TMC1: variants seen among roughly 807,000 people sequenced by gnomAD.
TMC1 encodes transmembrane channel like 1.
TMC1 carries 84 observed loss-of-function variants against 105.8 expected under a neutral mutation model. That is an observed-to-expected ratio of 0.79 (90% CI 0.67 to 0.95). The LOEUF (loss-of-function observed/expected upper bound fraction) is 0.95, where lower values mean the gene tolerates loss of function less well. TMC1 is among the 40% of genes least tolerant of loss of function. The pLI is 0.00. For synonymous variants in TMC1, 315 were observed against 311.5 expected, an observed-to-expected ratio of 1.01 and a Z score of -0.12; for missense variants, 817 against 914.1, an observed-to-expected ratio of 0.89 and a Z score of 1.37.
rs34028814 is a variant in TMC1 at position 72,672,823 on chromosome 9, A to AACACACAC, written c.17-15853_17-15846dup. On this transcript the variant is annotated intron_variant, in intron 5 of 23. Coordinates refer to ENST00000297784, the MANE Select transcript of TMC1 (RefSeq NM_138691.3). ...TCAGGAATTCGAGACAAGCCTGGGC[A>AACACACAC]ACACACACACACACACACACACACA... Among the ~76,000 whole-genome samples, 269 of 139,914 alleles carry AACACACAC rather than the reference A, an allele frequency of 1.9e-3. 2 individuals carry two copies. Among genetic ancestry groups the AACACACAC allele is most frequent in the Middle Eastern group, 7.0e-3 (2 of 286 alleles). 91.8% of individuals were successfully genotyped at this position (139,914 alleles called of 152,430 possible).
chr9:72,602,034 A>T (rs1824824753), intron 2 of TMC1, among the ~76,000 whole-genome samples: 1 of 152,202 alleles, frequency 6.6e-6, no homozygotes, highest in Non-Finnish European at 1.5e-5. Context: ...AATATTTTAA[A>T]TAATTTTGTG....
At chr9:72,632,314 C>G (rs575633086) in intron 4 of TMC1, among the ~76,000 whole-genome samples, 1 of 152,268 alleles carries the variant, frequency 6.6e-6, no homozygotes, top group Admixed American at 6.5e-5. Context: ...GAATCTGACC[C>G]CATGACCCAA....
chr9:72,607,418 G>A (rs1364243484), intron 2 of TMC1, among the ~76,000 whole-genome samples: 1 of 147,712 alleles, frequency 6.8e-6, no homozygotes, highest in Non-Finnish European at 1.5e-5. Flanking sequence ...AGAAGATCGA[G>A]ACCATCCTGG....
At chr9:72,530,173 G>A (rs1564392414) in intron 1 of TMC1, among the ~76,000 whole-genome samples, 2 of 151,774 alleles carry the variant, frequency 1.3e-5, no homozygotes, top group Non-Finnish European at 2.9e-5. Context: ...GAGCTCCATA[G>A]TTTCTTTCTT....
chr9:72,766,723 A>T (rs1258413184), intron 12 of TMC1, among the ~76,000 whole-genome samples: 2 of 152,158 alleles, frequency 1.3e-5, no homozygotes, highest in African/African-American at 4.8e-5. Context: ...ACACAACTTG[A>T]TTCCCTCTGC....
rs576129426 is a variant in TMC1, at chr9:72,554,543, A to C, written c.-427-23359A>C. Reference sequence around the variant, plus strand: ...ATTTTACTCTCTCTTCCTGGTTTCTAGCTTGACCTTTGTATTTTAGAGGAG... The same window carrying C: ...ATTTTACTCTCTCTTCCTGGTTTCTCGCTTGACCTTTGTATTTTAGAGGAG... On this transcript the variant is annotated intron_variant, in intron 1 of 23. Transcript: ENST00000297784. Among the ~76,000 whole-genome samples the C allele has an allele frequency of 1.6e-3, 249 of 152,218 alleles. 1 individual carries two copies. The highest frequency in any genetic ancestry group is 3.7e-3 in the Admixed American group (56 of 15,270).
intron 19 of TMC1, chr9:72,818,701 T>C (rs924042580): frequency 6.6e-6 from 1 of 152,320 alleles, no homozygotes; most frequent in Middle Eastern, 3.4e-3. Context: ...TTTATAAGGC[T>C]AAAGTGTTAC....
intron 2 of TMC1, among the ~76,000 whole-genome samples, chr9:72,603,147 GT>G (rs1564437972): frequency 6.6e-6 from 1 of 152,164 alleles, no homozygotes; most frequent in Admixed American, 6.5e-5. Context: ...AATTGGTCAC[GT>G]AAATCACTTT....
chr9:72,712,757 A>T (rs2117914726), intron 8 of TMC1, among the ~76,000 whole-genome samples: 1 of 152,280 alleles, frequency 6.6e-6, no homozygotes, highest in East Asian at 1.9e-4. Context: ...AATACCCTTT[A>T]TTCCTTTCTC....
chr9:72,763,796 T>TC (rs1393947754), intron 12 of TMC1, among the ~76,000 whole-genome samples: 2 of 150,732 alleles, frequency 1.3e-5, no homozygotes, highest in East Asian at 3.9e-4. Context: ...TTTTTTTTTT[T>TC]CTCAGAGCAA....
chr9:72,531,049 A>G (rs1409554506), intron 1 of TMC1, among the ~76,000 whole-genome samples: 1 of 151,954 alleles, frequency 6.6e-6, no homozygotes, highest in African/African-American at 2.4e-5. Flanking sequence ...CATGTTAGCC[A>G]GGATGGTCTC....
At position 72,718,254 on chromosome 9, in the gene TMC1, A is replaced by AT. The variant is rs2117936314; in HGVS notation, c.362+17617dup. Among the ~76,000 whole-genome samples, 3 of 151,862 alleles carry AT rather than the reference A, an allele frequency of 2.0e-5. No individual in the cohort carries two copies. In the East Asian group the frequency reaches 5.8e-4, roughly 29 times the overall value. The stretch of plus-strand genomic sequence containing the variant: ...GATCCATTGCTGGTGAGCTATTGTG[A>AT]TTTTTTGATGATGTTAAAGAACATT... On this transcript the variant is annotated intron_variant, in intron 8 of 23. Coordinates refer to ENST00000297784, the MANE Select transcript of TMC1 (RefSeq NM_138691.3).
rs180676886 is a variant in TMC1, at chr9:72,768,187, G to C, written c.742-4226G>C. Among the ~76,000 whole-genome samples, 11 of 152,248 alleles carry C rather than the reference G, an allele frequency of 7.2e-5. No individual in the cohort carries two copies. The East Asian group carries it at 2.1e-3, about 29-fold the overall frequency. On this transcript the variant is annotated intron_variant, in intron 12 of 23. Transcript: ENST00000297784. The stretch of plus-strand genomic sequence containing the variant: ...TGTCCTTTGCAGGGACATGGATGAA[G>C]CTGGAAACCATCATTCTCAGCAAAC...
intron 5 of TMC1, among the ~76,000 whole-genome samples, chr9:72,649,570 T>G (rs1027452602): frequency 6.6e-6 from 1 of 152,220 alleles, no homozygotes; most frequent in Non-Finnish European, 1.5e-5. Context: ...ATGCTCATTT[T>G]ATTAACTTTA....
At chr9:72,527,011 C>A (rs1017358464) in intron 1 of TMC1, among the ~76,000 whole-genome samples, 1 of 152,166 alleles carries the variant, frequency 6.6e-6, no homozygotes, top group South Asian at 2.1e-4. Context: ...GGGTACCAGA[C>A]GCATGGTCTA....
chr9:72,525,209 T>A (rs937000166), intron 1 of TMC1, among the ~76,000 whole-genome samples: 1 of 152,202 alleles, frequency 6.6e-6, no homozygotes, highest in Non-Finnish European at 1.5e-5. Context: ...ACATTTTGCA[T>A]AGGATTTTGT....
At chr9:72,673,855 A>T (rs925747326) in intron 5 of TMC1, among the ~76,000 whole-genome samples, 1 of 152,184 alleles carries the variant, frequency 6.6e-6, no homozygotes, top group Non-Finnish European at 1.5e-5. Flanking sequence ...AGGAGAAAGT[A>T]ATTCTAATTC....
intron 18 of TMC1, among the ~76,000 whole-genome samples, chr9:72,807,119 G>A (rs557648982): frequency 3.3e-5 from 5 of 152,320 alleles, no homozygotes; most frequent in South Asian, 2.1e-4. Flanking sequence ...CAGGCGTGTC[G>A]GCGCGAGCCT....
At chr9:72,570,265 G>GTGTGTGTGTGT (rs397946870) in intron 1 of TMC1, among the ~76,000 whole-genome samples, 3 of 146,424 alleles carry the variant, frequency 2.0e-5, no homozygotes, top group Admixed American at 6.9e-5. Flanking sequence ...GTGTGTGTGT[G>GTGTGTGTGTGT]GTAAATACTT....
Sources: allele counts gnomAD v4.1 joint callset (sites outside exome capture counted in the v4.1 genomes callset), GRCh38; gene constraint gnomAD v4.1.1; transcripts MANE v1.5; gene names NCBI Gene and HGNC (gene_info 2026-07-23, HGNC 2026-07-21).